The following NR3C1 variants were observed in gnomAD, a reference collection of about 807,000 sequenced individuals.
The protein encoded by NR3C1 is nuclear receptor subfamily 3 group C member 1.
NR3C1 carries 14 observed loss-of-function variants against 74.0 expected under a neutral mutation model. The observed-to-expected ratio is 0.19, with a 90% CI of 0.12 to 0.30. The LOEUF is 0.30. NR3C1 is among the 10% of genes least tolerant of loss of function. The pLI is 1.00. For missense variants in NR3C1, 695 were observed against 909.8 expected (o/e 0.76, Z 3.04); for synonymous variants, 308 against 332.5 (o/e 0.93, Z 0.80).
chr5:143,321,564 C>T (rs574911084), intron 2 of NR3C1, among the ~76,000 whole-genome samples: 4 of 152,302 alleles, frequency 2.6e-5, no homozygotes, highest in Admixed American at 2.0e-4. Context: ...CTTTTCTCAA[C>T]ATGATTAAAA....
In NR3C1 at chr5:143,329,127, T is replaced by C. The variant is rs180859774; in HGVS notation, c.1185-14959A>G. ...TTATAAGGGAGGTTTAATTTACTCA[T>C]AGTTCTGCATAGCTGGGGAGGCCTC... On this transcript the variant is annotated intron_variant, in intron 2 of 8. Transcript: ENST00000394464. Among the ~76,000 whole-genome samples the C allele has an allele frequency of 3.2e-4, 49 of 152,260 alleles. 2 individuals are homozygous for C. The East Asian group carries it at 5.4e-3, about 17-fold the overall frequency.
At chr5:143,329,680 C>T (rs1825523579) in intron 2 of NR3C1, among the ~76,000 whole-genome samples, 1 of 152,016 alleles carries the variant, frequency 6.6e-6, no homozygotes, top group Admixed American at 6.6e-5. Flanking sequence ...CTCTATTTCA[C>T]AGAAATAAAG....
At chr5:143,431,221 G>C (rs915087674) in intron 1 of NR3C1, among the ~76,000 whole-genome samples, 3 of 152,140 alleles carry the variant, frequency 2.0e-5, no homozygotes, top group African/African-American at 7.2e-5. Flanking sequence ...CCCTTCCCCA[G>C]TGCATTCATT....
intron 2 of NR3C1, among the ~76,000 whole-genome samples, chr5:143,347,976 A>T (rs1829595987): frequency 6.7e-6 from 1 of 148,220 alleles, no homozygotes; most frequent in Non-Finnish European, 1.5e-5. Context: ...AGGCCATCTG[A>T]GTTTGTTCAT....
intron 2 of NR3C1, among the ~76,000 whole-genome samples, chr5:143,371,018 T>C (rs10482632): frequency 3.9e-5 from 6 of 152,228 alleles, no homozygotes; most frequent in African/African-American, 1.4e-4. Context: ...TGGAGGACAT[T>C]AATAAAAGTA....
At chr5:143,299,395 A>G (rs1410608278) in intron 5 of NR3C1, among the ~76,000 whole-genome samples, 1 of 151,840 alleles carries the variant, frequency 6.6e-6, no homozygotes. Flanking sequence ...TTAAGTAAAC[A>G]TGAACTAAAT....
At chr5:143,403,935 G>C, upstream of NR3C1, 2 of 983,824 alleles carry the variant, frequency 2.0e-6, no homozygotes, top group Non-Finnish European at 2.4e-6. Flanking sequence ...TTCGCCCCCC[G>C]CCCCCAACTC....
chr5:143,296,276 AT>A lies in NR3C1; in HGVS notation c.1893-687del, dbSNP rs199808389. ...TTCACAGCTTTTAAAATGCTTCAAG[AT>A]TTTTTTTTTTTTTTAAGTTTCTGAC... On this transcript the variant is annotated intron_variant, in intron 6 of 8. Transcript: ENST00000394464. Among the ~76,000 whole-genome samples the A allele has an allele frequency of 9.7e-3, 1,416 of 145,924 alleles. 6 individuals carry two copies. Among genetic ancestry groups the A allele is most frequent in the East Asian group, 0.025 (126 of 5,054 alleles).
chr5:143,417,397 A>G (rs1020681417), intron 1 of NR3C1, among the ~76,000 whole-genome samples: 6 of 152,152 alleles, frequency 3.9e-5, no homozygotes, highest in Middle Eastern at 3.2e-3. Context: ...GTTGGATTCA[A>G]TAGACATTTA....
Position 143,281,524 on chromosome 5 carries a change from C to A in NR3C1, c.*365G>T. On this transcript the variant is annotated 3_prime_UTR_variant, in exon 9 of 9. Transcript: ENST00000394464. ...GAAAGTCTAGAAAATTTCATCCAGC[C>A]AACTGTGAAAAAAAGTATGAAGAGA... The A allele has an allele frequency of 8.3e-6, 2 of 242,250 alleles. No individual in the cohort carries two copies. Among genetic ancestry groups the A allele is most frequent in the Non-Finnish European group, 1.6e-5 (2 of 122,560 alleles). The allele number at this position is 242,250 out of a possible 1,614,324, so 15.0% of individuals were successfully genotyped here.
chr5:143,312,866 T>TA (rs1821261334), intron 3 of NR3C1, among the ~76,000 whole-genome samples: 1 of 152,184 alleles, frequency 6.6e-6, no homozygotes. Context: ...TCCACTTTAT[T>TA]AGGAGCAATG....
At chr5:143,381,976 A>C (rs1415037291) in intron 2 of NR3C1, among the ~76,000 whole-genome samples, 2 of 152,186 alleles carry the variant, frequency 1.3e-5, no homozygotes, top group Non-Finnish European at 2.9e-5. Context: ...AACAACAAAG[A>C]AGCAACCCAC....
intron 2 of NR3C1, among the ~76,000 whole-genome samples, chr5:143,335,306 C>T (rs549458179): frequency 6.6e-6 from 1 of 152,146 alleles, no homozygotes; most frequent in Non-Finnish European, 1.5e-5. Context: ...AACCATAAAG[C>T]CCAACTCATG....
chr5:143,374,177 T>C (rs1170933070), intron 2 of NR3C1, among the ~76,000 whole-genome samples: 1 of 152,042 alleles, frequency 6.6e-6, no homozygotes, highest in Admixed American at 6.5e-5. Flanking sequence ...GTGGAGCAAA[T>C]GAAAACAAGG....
exon 1 of NR3C1, chr5:143,434,581 G>A: frequency 1.0e-6 from 1 of 985,408 alleles, no homozygotes; most frequent in Non-Finnish European, 1.2e-6. Flanking sequence ...GTTCTTTGAG[G>A]AAAGGAGCCA....
At chr5:143,326,788 C>G (rs1824702955) in intron 2 of NR3C1, among the ~76,000 whole-genome samples, 1 of 152,108 alleles carries the variant, frequency 6.6e-6, no homozygotes, top group African/African-American at 2.4e-5. Context: ...ACAGCCTTAA[C>G]TAGAAATGAG....
At position 143,400,788 on chromosome 5, in the gene NR3C1, C is replaced by CA; in HGVS notation, c.51dup (p.Val18CysfsTer14). 6.2e-7 allele frequency: 1 copy of CA among 1,614,158 alleles called. No individual in the cohort carries two copies. The highest frequency in any genetic ancestry group is 8.5e-7 in the Non-Finnish European group (1 of 1,180,038). ...ACATCTCCCCTCTCCTGAGCAAGCA[C>CA]ACTGCTGGGGTTTTCTTCTCTACCA... On this transcript the variant is annotated frameshift_variant, in exon 2 of 9. Transcript: ENST00000394464. LOFTEE classifies it high-confidence loss of function.
At position 143,278,037 on chromosome 5, in the gene NR3C1, C is replaced by G. The variant is rs901809228; in HGVS notation, c.*3852G>C. On this transcript the variant is annotated 3_prime_UTR_variant, in exon 9 of 9. Transcript: ENST00000394464. ...GGTACAAATGTGTGGTTTGGTAATA[C>G]CAGAACAGCAAATTTAAATGAAAAA... 8 of 151,984 alleles carry G rather than the reference C, an allele frequency of 5.3e-5. No individual in the cohort carries two copies. The highest frequency in any genetic ancestry group is 1.9e-4 in the African/African-American group (8 of 41,358). The allele number at this position is 151,984 out of a possible 1,614,324, so 9.4% of individuals were successfully genotyped here.
chr5:143,298,695 C>A lies in NR3C1; in HGVS notation c.1865G>T (p.Cys622Phe). 1 of 1,613,822 alleles carries A rather than the reference C, an allele frequency of 6.2e-7. No homozygotes were observed. Among genetic ancestry groups the A allele is most frequent in the Non-Finnish European group, 8.5e-7 (1 of 1,179,874 alleles). ...ATTAATAATCAGATCAGGAGCAAAA[C>A]ACAGCAGGTTTGCACTTGATTGTCT... ...SYRQSSANLL[C>F]FAPDLIINEQ... The change falls in exon 6 of 9, where the codon TGT becomes TTT. Residue 622 changes from cysteine to phenylalanine, a missense_variant. Cys to Phe is a radical substitution (Grantham distance 205). This residue lies in a region of NR3C1 where 133 missense variants were observed against 287.9 expected (regional missense o/e 0.46). Transcript: ENST00000394464.
Sources: allele counts gnomAD v4.1 joint callset (sites outside exome capture counted in the v4.1 genomes callset), GRCh38; gene constraint gnomAD v4.1.1; regional missense constraint gnomAD v4.1.1; transcripts MANE v1.5; gene names NCBI Gene and HGNC (gene_info 2026-07-23, HGNC 2026-07-21).